The following LDB2 variants were observed in gnomAD, a reference collection of about 807,000 sequenced individuals.
LDB2 encodes LIM domain binding 2.
In LDB2, 12 loss-of-function variants were observed where a neutral mutation model predicts 44.3. The observed-to-expected ratio is 0.27, with a 90% CI of 0.17 to 0.44. The LOEUF (loss-of-function observed/expected upper bound fraction) is 0.44, where lower values mean the gene tolerates loss of function less well. Ranked by LOEUF, LDB2 falls within the 20% of genes least tolerant of loss-of-function variation. The pLI, the probability that LDB2 is intolerant of heterozygous loss-of-function variation, is 1.00. For synonymous variants in LDB2, 164 were observed against 174.8 expected, an observed-to-expected ratio of 0.94 and a Z score of 0.49; for missense variants, 344 against 473.5, an observed-to-expected ratio of 0.73 and a Z score of 2.54.
intron 1 of LDB2, among the ~76,000 whole-genome samples, chr4:16,827,019 G>A (rs142027967): frequency 2.6e-5 from 4 of 152,268 alleles, no homozygotes; most frequent in East Asian, 1.9e-4. Context: ...AGATTCCCTC[G>A]TGAGAACCTG....
At chr4:16,713,055 A>G (rs1274500709) in intron 2 of LDB2, among the ~76,000 whole-genome samples, 2 of 152,254 alleles carry the variant, frequency 1.3e-5, no homozygotes, top group African/African-American at 2.4e-5. Flanking sequence ...ATGCTACAAC[A>G]TGGACGAACC....
At chr4:16,736,761 G>C (rs1357004054) in intron 2 of LDB2, among the ~76,000 whole-genome samples, 1 of 151,986 alleles carries the variant, frequency 6.6e-6, no homozygotes, top group Non-Finnish European at 1.5e-5. Flanking sequence ...GACTTCTTTT[G>C]TTTATAGGAG....
chr4:16,863,103 A>T (rs1330689681), intron 1 of LDB2, among the ~76,000 whole-genome samples: 1 of 152,166 alleles, frequency 6.6e-6, no homozygotes, highest in Non-Finnish European at 1.5e-5. Context: ...AGTTAAGTGA[A>T]CGAGTCCTTA....
At chr4:16,633,495 G>C (rs1211387447) in intron 2 of LDB2, among the ~76,000 whole-genome samples, 1 of 152,086 alleles carries the variant, frequency 6.6e-6, no homozygotes, top group Non-Finnish European at 1.5e-5. Context: ...CAAATCATGA[G>C]TGAACTCCAA....
rs1050562747 is a variant in LDB2 at position 16,639,870 on chromosome 4, A to G, written c.236-43995T>C. On this transcript the variant is annotated intron_variant, in intron 2 of 7. Transcript: ENST00000304523. ...CCTAAGGGCAGGAGACCCAGAGGCA[A>G]TGGGCAGATGTGCTCTGCTTCACAG... 2.8e-4 allele frequency among the ~76,000 whole-genome samples: 42 copies of G among 152,248 alleles called. 2 individuals carry two copies. The highest frequency in any genetic ancestry group is 2.6e-3 in the Admixed American group (40 of 15,294).
intron 2 of LDB2, among the ~76,000 whole-genome samples, chr4:16,630,402 C>T (rs1007919150): frequency 3.3e-5 from 5 of 152,132 alleles, no homozygotes; most frequent in Non-Finnish European, 5.9e-5. Context: ...GATTTTGTCA[C>T]CAGCAGGCCT....
intron 5 of LDB2, among the ~76,000 whole-genome samples, chr4:16,555,342 C>G (rs978045564): frequency 3.9e-5 from 6 of 152,156 alleles, no homozygotes; most frequent in Admixed American, 6.5e-5. Flanking sequence ...ATGGGAAATT[C>G]CTTAGCATGG....
intron 2 of LDB2, among the ~76,000 whole-genome samples, chr4:16,614,485 C>G (rs1202259385): frequency 1.3e-5 from 2 of 150,544 alleles, no homozygotes; most frequent in African/African-American, 4.9e-5. Flanking sequence ...AACAGGCAAC[C>G]TACAAAATGG....
At chr4:16,754,596 T>C (rs2109142118) in intron 2 of LDB2, among the ~76,000 whole-genome samples, 2 of 151,966 alleles carry the variant, frequency 1.3e-5, no homozygotes, top group East Asian at 3.9e-4. Context: ...GGCATGATCT[T>C]GGTTCACTGC....
intron 1 of LDB2, among the ~76,000 whole-genome samples, chr4:16,839,077 A>G (rs1250426118): frequency 1.3e-5 from 2 of 152,234 alleles, no homozygotes; most frequent in Admixed American, 6.5e-5. Context: ...AGGGGAATGA[A>G]ACTATTTTTT....
At chr4:16,651,765 G>A (rs1041538303) in intron 2 of LDB2, among the ~76,000 whole-genome samples, 12 of 151,972 alleles carry the variant, frequency 7.9e-5, no homozygotes, top group African/African-American at 2.7e-4. Context: ...GTTGGAAAAG[G>A]GATCAACATA....
intron 5 of LDB2, among the ~76,000 whole-genome samples, chr4:16,535,161 G>A (rs963725203): frequency 6.6e-6 from 1 of 152,146 alleles, no homozygotes; most frequent in Non-Finnish European, 1.5e-5. Flanking sequence ...GCTAGTTCTC[G>A]AAAGAAAACC....
intron 1 of LDB2, among the ~76,000 whole-genome samples, chr4:16,816,976 C>T (rs1245347029): frequency 2.0e-5 from 3 of 152,128 alleles, no homozygotes; most frequent in South Asian, 4.1e-4. Flanking sequence ...TCTGTTCTTG[C>T]ACCCCCCACC....
At chr4:16,825,002 A>T (rs1782788135) in intron 1 of LDB2, among the ~76,000 whole-genome samples, 1 of 152,220 alleles carries the variant, frequency 6.6e-6, no homozygotes, top group African/African-American at 2.4e-5. Context: ...GAGTAAATAC[A>T]TGTGGGATAA....
chr4:16,508,053 G>A (rs1308252759), intron 7 of LDB2, among the ~76,000 whole-genome samples: 1 of 152,126 alleles, frequency 6.6e-6, no homozygotes, highest in East Asian at 1.9e-4. Flanking sequence ...TGAGCTACAT[G>A]TTTAGTGGCT....
intron 5 of LDB2, among the ~76,000 whole-genome samples, chr4:16,571,964 G>A (rs751935832): frequency 7.9e-5 from 12 of 152,246 alleles, no homozygotes; most frequent in Middle Eastern, 6.8e-3. Context: ...AGGGACAGAC[G>A]ATGAGGCCAT....
At chr4:16,825,371 A>T (rs1316103142) in intron 1 of LDB2, among the ~76,000 whole-genome samples, 1 of 152,192 alleles carries the variant, frequency 6.6e-6, no homozygotes, top group Non-Finnish European at 1.5e-5. Context: ...CCAGAGAATG[A>T]GGAATACTTG....
chr4:16,898,195 C>G lies in LDB2; in HGVS notation c.132+159G>C, dbSNP rs557108330. The stretch of plus-strand genomic sequence containing the variant: ...ACAAGAGTTGCTGTGCCTGGAAACC[C>G]AGCGTCCAAACTCGTGGATTCATCC... On this transcript the variant is annotated intron_variant, in intron 1 of 7. Transcript: ENST00000304523. Among the ~76,000 whole-genome samples the G allele has an allele frequency of 1.5e-3, 226 of 151,962 alleles. 3 individuals are homozygous for G. Among genetic ancestry groups the G allele is most frequent in the Non-Finnish European group, 1.6e-3 (107 of 67,958 alleles).
At chr4:16,621,745 G>T (rs976817530) in intron 2 of LDB2, among the ~76,000 whole-genome samples, 4 of 151,990 alleles carry the variant, frequency 2.6e-5, no homozygotes, top group Non-Finnish European at 5.9e-5. Context: ...TTTTTGTAGA[G>T]ACAAGGTCTT....
Sources: gnomAD v4.1 joint callset for allele counts (sites outside exome capture counted in the v4.1 genomes callset) on GRCh38, gnomAD v4.1.1 for gene constraint, MANE v1.5 for transcripts, NCBI Gene and HGNC (gene_info 2026-07-23, HGNC 2026-07-21) for gene names.